Variants in CDH13 observed in about 807,000 individuals in gnomAD.
CDH13 encodes cadherin 13, also known as cadherin-13.
A neutral mutation model predicts 63.8 loss-of-function variants in CDH13; 24 were observed. The ratio of observed to expected loss-of-function variants is 0.38; its 90% confidence interval spans 0.27 to 0.53. CDH13 has a LOEUF of 0.53. Among genes scored for constraint, CDH13 ranks in the 20% least tolerant of loss-of-function variants. The pLI, the probability that CDH13 is intolerant of heterozygous loss-of-function variation, is 0.85. For missense variants in CDH13, 1,049 were observed against 903.1 expected (o/e 1.16, Z -2.07); for synonymous variants, 503 against 355.3 (o/e 1.42, Z -4.67).
chr16:83,175,333 T>C (rs2151735336), intron 4 of CDH13, among the ~76,000 whole-genome samples: 1 of 152,282 alleles, frequency 6.6e-6, no homozygotes, highest in Admixed American at 6.5e-5. Context: ...TTTATTAATA[T>C]ATTGATTAAA....
intron 8 of CDH13, among the ~76,000 whole-genome samples, chr16:83,605,370 T>G (rs1280672026): frequency 6.6e-6 from 1 of 152,228 alleles, no homozygotes; most frequent in East Asian, 1.9e-4. Context: ...TGATGTTCTT[T>G]GTTGAAGGGG....
At chr16:83,733,256 G>C (rs1399883491) in intron 10 of CDH13, among the ~76,000 whole-genome samples, 1 of 152,220 alleles carries the variant, frequency 6.6e-6, no homozygotes, top group Non-Finnish European at 1.5e-5. Flanking sequence ...AGCATCACCT[G>C]TTTTGGTGAT....
At chr16:83,020,458 G>T (rs998936305) in intron 2 of CDH13, among the ~76,000 whole-genome samples, 21 of 152,144 alleles carry the variant, frequency 1.4e-4, no homozygotes, top group Non-Finnish European at 1.2e-4. Context: ...GGTGCCAACA[G>T]ACCCTATGAC....
chr16:83,219,288 G>A (rs1335175098), intron 5 of CDH13, among the ~76,000 whole-genome samples: 1 of 142,184 alleles, frequency 7.0e-6, no homozygotes, highest in Non-Finnish European at 1.5e-5. Context: ...ACAGAGCTTC[G>A]GTTGCAGCTT....
chr16:83,432,866 G>A (rs1447246528), intron 6 of CDH13, among the ~76,000 whole-genome samples: 1 of 152,228 alleles, frequency 6.6e-6, no homozygotes, highest in Non-Finnish European at 1.5e-5. Flanking sequence ...TAAATGTGTA[G>A]TGTTCAAAGA....
rs553078316 is a variant in CDH13, at chr16:82,975,806, C to G, written c.158-56204C>G. ...ATATTATTTTCAAGGAGATCTTCCC[C>G]TCCTTAACCATTGCCCTTGTCTATA... On this transcript the variant is annotated intron_variant, in intron 2 of 13. Coordinates refer to ENST00000567109, the MANE Select transcript of CDH13 (RefSeq NM_001257.5). 2.0e-5 allele frequency among the ~76,000 whole-genome samples: 3 copies of G among 152,222 alleles called. No homozygotes were observed. The South Asian group carries it at 6.2e-4, about 32-fold the overall frequency.
chr16:83,211,575 G>T (rs1467070744), intron 4 of CDH13, among the ~76,000 whole-genome samples: 1 of 152,132 alleles, frequency 6.6e-6, no homozygotes, highest in East Asian at 1.9e-4. Context: ...GGTAGGCATG[G>T]GACTTTGCAG....
At chr16:83,140,520 C>T (rs1173841859) in intron 4 of CDH13, among the ~76,000 whole-genome samples, 5 of 152,108 alleles carry the variant, frequency 3.3e-5, no homozygotes, top group African/African-American at 1.2e-4. Flanking sequence ...GTGGTGTGAT[C>T]TTGGCTCACT....
At chr16:82,700,897 C>T (rs142538538) in intron 1 of CDH13, among the ~76,000 whole-genome samples, 2 of 136,698 alleles carry the variant, frequency 1.5e-5, no homozygotes, top group East Asian at 4.9e-4. Flanking sequence ...AAGAAAAGGC[C>T]ATGTAATTTG....
intron 2 of CDH13, among the ~76,000 whole-genome samples, chr16:82,882,421 A>G (rs186740569): frequency 1.3e-5 from 2 of 152,262 alleles, no homozygotes; most frequent in Non-Finnish European, 2.9e-5. Context: ...GCTGCCAATG[A>G]CCACCAGCAT....
chr16:83,529,839 G>C (rs1350544738), intron 7 of CDH13, among the ~76,000 whole-genome samples: 1 of 152,158 alleles, frequency 6.6e-6, no homozygotes, highest in Non-Finnish European at 1.5e-5. Flanking sequence ...TGATTATGGA[G>C]CGCTAATGTT....
At chr16:82,816,750 G>A (rs2037733149) in intron 1 of CDH13, among the ~76,000 whole-genome samples, 1 of 142,718 alleles carries the variant, frequency 7.0e-6, no homozygotes, top group Admixed American at 7.7e-5. Flanking sequence ...GAAGGGTTTA[G>A]ATGTTTTATC....
At chr16:83,472,468 G>A (rs2073481202) in intron 6 of CDH13, among the ~76,000 whole-genome samples, 2 of 152,326 alleles carry the variant, frequency 1.3e-5, no homozygotes, top group Middle Eastern at 3.4e-3. Flanking sequence ...GAGCCCTGAG[G>A]TCGGCCCCGG....
intron 4 of CDH13, among the ~76,000 whole-genome samples, chr16:83,162,495 T>A (rs918285727): frequency 3.3e-5 from 5 of 152,168 alleles, no homozygotes; most frequent in African/African-American, 1.2e-4. Context: ...ATTCAATCTG[T>A]CTTTCTCTAG....
intron 6 of CDH13, among the ~76,000 whole-genome samples, chr16:83,444,540 C>G (rs1567676847): frequency 6.6e-6 from 1 of 152,178 alleles, no homozygotes; most frequent in Non-Finnish European, 1.5e-5. Flanking sequence ...AGTGGCAGAA[C>G]CAGGCTTTAC....
At chr16:83,027,677 G>T (rs1915942312) in intron 2 of CDH13, among the ~76,000 whole-genome samples, 1 of 152,144 alleles carries the variant, frequency 6.6e-6, no homozygotes, top group Non-Finnish European at 1.5e-5. Context: ...AGAATCCAAG[G>T]CTTCCTCCAG....
At chr16:82,918,445 C>A (rs774859374) in intron 2 of CDH13, among the ~76,000 whole-genome samples, 1 of 150,196 alleles carries the variant, frequency 6.7e-6, no homozygotes, top group Non-Finnish European at 1.5e-5. Flanking sequence ...TTATTTATTT[C>A]TGTGGAATAA....
intron 1 of CDH13, among the ~76,000 whole-genome samples, chr16:82,855,990 G>A (rs552752670): frequency 6.6e-6 from 1 of 152,236 alleles, no homozygotes; most frequent in African/African-American, 2.4e-5. Flanking sequence ...GGATTTTGAG[G>A]TCTGATATTG....
At chr16:82,787,841 A>AGTGTGTGTGTGTGT (rs10528183) in intron 1 of CDH13, among the ~76,000 whole-genome samples, 46 of 146,768 alleles carry the variant, frequency 3.1e-4, no homozygotes, top group African/African-American at 9.8e-4. Flanking sequence ...GAAGGGAGGA[A>AGTGTGTGTGTGTGT]GTGTGTGTGT....
Sources: gnomAD v4.1 joint callset for allele counts (sites outside exome capture counted in the v4.1 genomes callset) on GRCh38, gnomAD v4.1.1 for gene constraint, MANE v1.5 for transcripts, NCBI Gene and HGNC (gene_info 2026-07-23, HGNC 2026-07-21) for gene names.